DDAH1: variants seen among roughly 807,000 people sequenced by gnomAD.
DDAH1 encodes the protein N(G),N(G)-dimethylarginine dimethylaminohydrolase 1.
Under a neutral mutation model 28.8 loss-of-function variants are expected in DDAH1, and 19 were observed. That is an observed-to-expected ratio of 0.66 (90% CI 0.46 to 0.97). DDAH1 has a LOEUF of 0.97. Ranked by LOEUF, DDAH1 falls within the 50% of genes least tolerant of loss-of-function variation. DDAH1 has a pLI of 0.00. For synonymous variants in DDAH1, 153 were observed against 154.4 expected (o/e 0.99, Z 0.07); for missense variants, 326 against 375.9 (o/e 0.87, Z 1.10).
At chr1:85,380,842 A>C (rs1650945749) in intron 1 of DDAH1, among the ~76,000 whole-genome samples, 1 of 152,158 alleles carries the variant, frequency 6.6e-6, no homozygotes, top group African/African-American at 2.4e-5. Context: ...TGTGTTATGA[A>C]ATATGGTTGA....
At chr1:85,353,109 A>C (rs570476914) in intron 2 of DDAH1, among the ~76,000 whole-genome samples, 11 of 152,326 alleles carry the variant, frequency 7.2e-5, no homozygotes, top group African/African-American at 2.6e-4. Flanking sequence ...AAATTTCTGC[A>C]GGATGAAACT....
intron 1 of DDAH1, among the ~76,000 whole-genome samples, chr1:85,449,010 G>A (rs900703834): frequency 9.9e-5 from 15 of 152,258 alleles, no homozygotes; most frequent in East Asian, 1.9e-4. Context: ...TCAAGTTATC[G>A]TACCTCAAAC....
At chr1:85,347,173 G>T (rs1035647952) in intron 4 of DDAH1, among the ~76,000 whole-genome samples, 8 of 152,348 alleles carry the variant, frequency 5.3e-5, no homozygotes, top group African/African-American at 1.4e-4. Context: ...TGGTGGGACT[G>T]TCAACTAGTT....
intron 1 of DDAH1, among the ~76,000 whole-genome samples, chr1:85,440,320 T>C (rs1001901469): frequency 6.6e-6 from 1 of 152,186 alleles, no homozygotes; most frequent in Non-Finnish European, 1.5e-5. Context: ...CTGAGTCAGA[T>C]CTTCAATCTT....
At chr1:85,325,082 AG>A (rs1647294159) in intron 4 of DDAH1, among the ~76,000 whole-genome samples, 199 bp from the exon 5 acceptor site, 1 of 152,100 alleles carries the variant, frequency 6.6e-6, no homozygotes. Context: ...AAGAATTGCA[AG>A]GGTTTTTGTT....
chr1:85,497,729 G>A (rs923135071), intron 1 of DDAH1, among the ~76,000 whole-genome samples: 15 of 152,190 alleles, frequency 9.9e-5, no homozygotes, highest in Middle Eastern at 3.4e-3. Flanking sequence ...CAGATTTAAG[G>A]CAATCTGTTC....
chr1:85,577,013 G>C lies in DDAH1; in HGVS notation c.-123+971C>G, dbSNP rs1474778772. ...CCCCGAAGCTAGATGACGGAGTCTT[G>C]AAAGACTTTCACCAAATATGGGCCG... On this transcript the variant is annotated intron_variant, in intron 1 of 6. Coordinates refer to the DDAH1 transcript ENST00000426972. 2.6e-5 allele frequency among the ~76,000 whole-genome samples: 4 copies of C among 152,128 alleles called. No individual in the cohort carries two copies. In the East Asian group the frequency reaches 5.8e-4, roughly 22 times the overall value.
At chr1:85,533,029 A>T (rs1658144307) in intron 1 of DDAH1, among the ~76,000 whole-genome samples, 1 of 152,198 alleles carries the variant, frequency 6.6e-6, no homozygotes. Context: ...ATAAAATCAT[A>T]GTTGTCATTT....
In DDAH1 at chr1:85,333,349, T is replaced by A. The variant is rs765015544; in HGVS notation, c.598-8466A>T. 3.9e-4 allele frequency among the ~76,000 whole-genome samples: 60 copies of A among 151,910 alleles called. 1 individual carries two copies. Among genetic ancestry groups the A allele is most frequent in the Admixed American group, 1.3e-4 (2 of 15,268 alleles). Reference sequence around the variant, plus strand: ...AAATGTCTTCCCCTATGAAAACCAATCTAAAAAATTGGAGGAAGTGACTGT... The same window carrying A: ...AAATGTCTTCCCCTATGAAAACCAAACTAAAAAATTGGAGGAAGTGACTGT... On this transcript the variant is annotated intron_variant, in intron 4 of 5. Transcript: ENST00000284031.
chr1:85,452,205 T>C (rs1210356477), intron 1 of DDAH1, among the ~76,000 whole-genome samples: 1 of 152,182 alleles, frequency 6.6e-6, no homozygotes, highest in African/African-American at 2.4e-5. Flanking sequence ...CTTTGACACA[T>C]GCCAAAATTC....
chr1:85,355,510 T>C (rs1159427195), intron 2 of DDAH1, among the ~76,000 whole-genome samples: 1 of 152,184 alleles, frequency 6.6e-6, no homozygotes, highest in Non-Finnish European at 1.5e-5. Flanking sequence ...TTTGATTTCA[T>C]GCTGGGGTTG....
intron 1 of DDAH1, among the ~76,000 whole-genome samples, chr1:85,372,805 GC>G (rs1333707871): frequency 1.3e-5 from 2 of 151,950 alleles, no homozygotes; most frequent in African/African-American, 4.8e-5. Flanking sequence ...AAATGTCATT[GC>G]CCCCTATTTA....
chr1:85,406,931 A>G (rs948155015), intron 1 of DDAH1, among the ~76,000 whole-genome samples: 1 of 152,102 alleles, frequency 6.6e-6, no homozygotes, highest in African/African-American at 2.4e-5. Flanking sequence ...GGAAAATTAG[A>G]GTATATTTCA....
At chr1:85,557,811 T>G (rs1659018525) in intron 1 of DDAH1, among the ~76,000 whole-genome samples, 1 of 152,006 alleles carries the variant, frequency 6.6e-6, no homozygotes, top group Admixed American at 6.6e-5. Flanking sequence ...CAGACATGAA[T>G]AGTGGAAAGA....
At chr1:85,538,586 C>T (rs1432928639) in intron 1 of DDAH1, among the ~76,000 whole-genome samples, 1 of 151,906 alleles carries the variant, frequency 6.6e-6, no homozygotes, top group Non-Finnish European at 1.5e-5. Flanking sequence ...CCTCAGATCG[C>T]CTGTGCTGTG....
At position 85,456,670 on chromosome 1, in the gene DDAH1, A is replaced by T. The variant is rs1053297418; in HGVS notation, c.303+8073T>A. 4.6e-5 allele frequency among the ~76,000 whole-genome samples: 7 copies of T among 152,260 alleles called. 1 individual carries two copies. Among genetic ancestry groups the T allele is most frequent in the Admixed American group, 4.6e-4 (7 of 15,292 alleles). ...CAAGTATTAAGTGTATTTTCAATTT[A>T]TGATATTGCCAACTTAAGATACGTT... is the stretch of plus-strand genomic sequence containing the variant. On this transcript the variant is annotated intron_variant, in intron 1 of 5. Coordinates refer to ENST00000284031, the MANE Select transcript of DDAH1 (RefSeq NM_012137.4).
intron 1 of DDAH1, chr1:85,576,641 C>T (rs1438589468): frequency 6.6e-6 from 1 of 152,394 alleles, no homozygotes; most frequent in African/African-American, 2.4e-5. Context: ...GCCCCACACC[C>T]TTGCGCCGGA....
At chr1:85,329,624 T>C (rs1338248598) in intron 4 of DDAH1, among the ~76,000 whole-genome samples, 1 of 152,204 alleles carries the variant, frequency 6.6e-6, no homozygotes, top group East Asian at 1.9e-4. Context: ...TGAGAATATA[T>C]GAAGTAATTC....
chr1:85,510,354 A>G (rs1657179820), intron 1 of DDAH1, among the ~76,000 whole-genome samples: 2 of 152,248 alleles, frequency 1.3e-5, no homozygotes. Flanking sequence ...AGGAAGCACT[A>G]AACATGGAAA....
Sources: allele counts gnomAD v4.1 joint callset (sites outside exome capture counted in the v4.1 genomes callset), GRCh38; gene constraint gnomAD v4.1.1; transcripts MANE v1.5; gene names NCBI Gene and HGNC (gene_info 2026-07-23, HGNC 2026-07-21).